NLGN4X: variants seen among roughly 807,000 people sequenced by gnomAD.
The protein encoded by NLGN4X is neuroligin-4, X-linked.
In NLGN4X, 3 loss-of-function variants were observed where a neutral mutation model predicts 40.3. The ratio of observed to expected loss-of-function variants is 0.07; its 90% confidence interval spans 0.03 to 0.19. NLGN4X has a LOEUF of 0.19. Among genes scored for constraint, NLGN4X ranks in the 10% least tolerant of loss-of-function variants. The probability of loss-of-function intolerance (pLI) is 1.00; values close to 1 mark genes in which losing one functional copy is unlikely to be tolerated. For synonymous variants in NLGN4X, 270 were observed against 306.8 expected (o/e 0.88, Z 1.25); for missense variants, 382 against 708.3 (o/e 0.54, Z 5.23).
intron 1 of NLGN4X, among the ~76,000 whole-genome samples, chrX:6,167,290 C>T (rs2040519773): frequency 9.0e-6 from 1 of 110,672 alleles, no homozygotes; most frequent in Non-Finnish European, 1.9e-5. Context: ...TCTAGCGCTT[C>T]TCTCATGTAG....
intron 3 of NLGN4X, among the ~76,000 whole-genome samples, chrX:5,956,129 G>C (rs902580734): frequency 1.9e-4 from 20 of 107,570 alleles, no homozygotes; most frequent in African/African-American, 5.4e-4. Context: ...ATTAAATATA[G>C]ATAATATATA....
intron 3 of NLGN4X, among the ~76,000 whole-genome samples, chrX:6,022,314 T>G (rs1409476737): frequency 8.9e-6 from 1 of 112,275 alleles, no homozygotes; most frequent in Non-Finnish European, 1.9e-5. Context: ...GAAATGATGC[T>G]TTCTTTTTTA....
At chrX:5,972,029 G>C (rs1284669508) in intron 3 of NLGN4X, among the ~76,000 whole-genome samples, 1 of 111,717 alleles carries the variant, frequency 9.0e-6, no homozygotes, top group African/African-American at 3.3e-5. Context: ...TGGTAATCTA[G>C]TGTAGTGCAT....
intron 3 of NLGN4X, among the ~76,000 whole-genome samples, chrX:5,995,174 T>C (rs375484973): frequency 5.3e-5 from 6 of 112,477 alleles, no homozygotes; most frequent in East Asian, 2.8e-4. Context: ...GCAAATGCTC[T>C]GGTTAAGTAT....
rs187438455 is a variant in NLGN4X at position 6,020,330 on chromosome X, T to A, written c.625+8950A>T. 7.1e-5 allele frequency among the ~76,000 whole-genome samples: 8 copies of A among 112,213 alleles called. No homozygotes were observed. In the East Asian group the frequency reaches 2.0e-3, roughly 28 times the overall value. The stretch of plus-strand genomic sequence containing the variant: ...ATGGATGAACCAGAGGACATTATGT[T>A]AAGTGATACAAGCCAGACACAGAAA... On this transcript the variant is annotated intron_variant, in intron 3 of 5. Coordinates refer to ENST00000381095, the MANE Select transcript of NLGN4X (RefSeq NM_181332.3).
chrX:6,056,422 G>C (rs1195903348), intron 2 of NLGN4X, among the ~76,000 whole-genome samples: 1 of 110,286 alleles, frequency 9.1e-6, no homozygotes, highest in Non-Finnish European at 1.9e-5. Context: ...GTTGTAGGGA[G>C]CGGGGATCGC....
At chrX:6,160,571 C>T (rs2040364201) in intron 1 of NLGN4X, among the ~76,000 whole-genome samples, 1 of 107,849 alleles carries the variant, frequency 9.3e-6, no homozygotes, top group Admixed American at 1.0e-4. Flanking sequence ...CACTCTGTCA[C>T]CCAGGCTGGA....
intron 1 of NLGN4X, among the ~76,000 whole-genome samples, chrX:6,209,972 T>C (rs1044263850): frequency 8.0e-5 from 9 of 111,993 alleles, no homozygotes; most frequent in African/African-American, 2.6e-4. Context: ...TGTCTCAGCC[T>C]CTCCAGTAGC....
chrX:6,015,907 T>C (rs1368680887), intron 3 of NLGN4X, among the ~76,000 whole-genome samples: 1 of 111,846 alleles, frequency 8.9e-6, no homozygotes, highest in Non-Finnish European at 1.9e-5. Context: ...AAGATTATGT[T>C]TTCAGAAACA....
chrX:5,928,323 T>C (rs2033407781), intron 3 of NLGN4X, among the ~76,000 whole-genome samples: 1 of 112,209 alleles, frequency 8.9e-6, no homozygotes, highest in South Asian at 3.7e-4. Flanking sequence ...CTCTGTGTTC[T>C]TATATTCACA....
intron 1 of NLGN4X, among the ~76,000 whole-genome samples, chrX:6,156,448 G>A (rs1442533444): frequency 8.9e-6 from 1 of 111,816 alleles, no homozygotes; most frequent in African/African-American, 3.3e-5. Context: ...GGCGGAGCTT[G>A]CAGTGAGCCA....
intron 3 of NLGN4X, among the ~76,000 whole-genome samples, chrX:5,912,597 A>T (rs911347276): frequency 1.8e-4 from 20 of 110,317 alleles, no homozygotes; most frequent in African/African-American, 6.3e-4. Flanking sequence ...GTTTTCTATA[A>T]ATCAGACTTA....
intron 3 of NLGN4X, among the ~76,000 whole-genome samples, chrX:5,929,958 G>A (rs1018565884): frequency 8.9e-6 from 1 of 112,335 alleles, no homozygotes; most frequent in African/African-American, 3.2e-5. Context: ...CAAGGCCTGT[G>A]TGTTCAGATT....
At chrX:6,033,409 T>C (rs1404712298) in intron 2 of NLGN4X, among the ~76,000 whole-genome samples, 3 of 112,405 alleles carry the variant, frequency 2.7e-5, no homozygotes, top group Non-Finnish European at 5.6e-5. Context: ...TTCACTCTTG[T>C]TTTCTTCTAT....
At chrX:5,944,842 G>T (rs1450979090) in intron 3 of NLGN4X, among the ~76,000 whole-genome samples, 2 of 111,215 alleles carry the variant, frequency 1.8e-5, no homozygotes, top group Non-Finnish European at 3.8e-5. Context: ...CTAGAAGACA[G>T]AATTTAGATC....
At chrX:6,176,251 C>T (rs1164737105) in intron 1 of NLGN4X, among the ~76,000 whole-genome samples, 1 of 112,167 alleles carries the variant, frequency 8.9e-6, no homozygotes, top group Non-Finnish European at 1.9e-5. Flanking sequence ...GGCCCTTGAC[C>T]ACAACACTGC....
At chrX:5,943,509 A>C (rs2034021157) in intron 3 of NLGN4X, among the ~76,000 whole-genome samples, 1 of 112,257 alleles carries the variant, frequency 8.9e-6, no homozygotes, top group Non-Finnish European at 1.9e-5. Flanking sequence ...AGGAACAATA[A>C]GAAACGCATA....
chrX:6,157,682 G>A (rs2040299883), intron 1 of NLGN4X, among the ~76,000 whole-genome samples: 1 of 111,263 alleles, frequency 9.0e-6, no homozygotes, highest in African/African-American at 3.3e-5. Flanking sequence ...TTTGGAAAAG[G>A]GGAAAAGGGC....
intron 2 of NLGN4X, among the ~76,000 whole-genome samples, chrX:6,044,245 T>C (rs997128970): frequency 8.9e-6 from 1 of 111,816 alleles, no homozygotes; most frequent in African/African-American, 3.3e-5. Flanking sequence ...ATTGTGGCAC[T>C]GCACTCCAGT....
Sources: gnomAD v4.1 joint callset for allele counts (sites outside exome capture counted in the v4.1 genomes callset) on GRCh38, gnomAD v4.1.1 for gene constraint, MANE v1.5 for transcripts, NCBI Gene and HGNC (gene_info 2026-07-23, HGNC 2026-07-21) for gene names.